The following PHF8 variants were observed in gnomAD, a reference collection of about 807,000 sequenced individuals.
PHF8 encodes the protein PHD finger protein 8.
Under a neutral mutation model 74.4 loss-of-function variants are expected in PHF8, and 9 were observed. The observed-to-expected ratio is 0.12, with a 90% CI of 0.07 to 0.21. The LOEUF (loss-of-function observed/expected upper bound fraction) is 0.21. Among genes scored for constraint, PHF8 ranks in the 10% least tolerant of loss-of-function variants. PHF8 has a pLI of 1.00. For synonymous variants in PHF8, 311 were observed against 316.6 expected (o/e 0.98, Z 0.19); for missense variants, 478 against 816.6 (o/e 0.59, Z 5.05).
Position 53,938,970 on chromosome X carries a change from C to T in PHF8, c.*188G>A, listed in dbSNP as rs1183025901. The T allele has an allele frequency of 3.8e-5, 38 of 1,011,067 alleles. No individual in the cohort carries two copies. Among genetic ancestry groups the T allele is most frequent in the Non-Finnish European group, 4.8e-5 (38 of 797,967 alleles). 83.3% of individuals were successfully genotyped at this position (1,011,067 alleles called of 1,213,427 possible). ...CAGTGGAGAAGGCAGGCAGGATGCT[C>T]TAGTGAAAGTGGGGAAGGGAACTAG... is the stretch of plus-strand genomic sequence containing the variant. On this transcript the variant is annotated 3_prime_UTR_variant, in exon 22 of 22. Coordinates refer to ENST00000338154, the MANE Select transcript of PHF8 (RefSeq NM_015107.3).
At chrX:54,024,320 G>C (rs1039781248) in intron 2 of PHF8, among the ~76,000 whole-genome samples, 1 of 111,750 alleles carries the variant, frequency 8.9e-6, no homozygotes, top group Non-Finnish European at 1.9e-5. Context: ...GTAAGTATCC[G>C]GTTTCACAGT....
At chrX:53,978,688 C>G (rs1449279892) in intron 18 of PHF8, among the ~76,000 whole-genome samples, 1 of 107,683 alleles carries the variant, frequency 9.3e-6, no homozygotes, top group Non-Finnish European at 1.9e-5. Flanking sequence ...ATCCCAGCTA[C>G]TCAGGAGGCT....
In PHF8 at chrX:53,938,883, G is replaced by A. The variant is rs1557082563; in HGVS notation, c.*275C>T. The A allele has an allele frequency of 2.2e-6, 2 of 920,638 alleles. No homozygotes were observed. Among genetic ancestry groups the A allele is most frequent in the Non-Finnish European group, 2.7e-6 (2 of 744,847 alleles). 75.9% of individuals were successfully genotyped at this position (920,638 alleles called of 1,213,427 possible). On this transcript the variant is annotated 3_prime_UTR_variant, in exon 22 of 22. Transcript: ENST00000338154. Reference sequence around the variant, plus strand: ...ACAGACAAGGCAGGTGACGGGAGTGGTTTGGACGAGTAGAAAAGAGGGTTC... The same window carrying A: ...ACAGACAAGGCAGGTGACGGGAGTGATTTGGACGAGTAGAAAAGAGGGTTC...
chrX:53,945,852 G>C (rs2064825581), intron 19 of PHF8, among the ~76,000 whole-genome samples: 1 of 111,504 alleles, frequency 9.0e-6, no homozygotes. Context: ...TTTTTCCTTT[G>C]AACTTATGAT....
Position 53,958,191 on chromosome X carries a change from G to A in PHF8, c.2539+4653C>T, listed in dbSNP as rs901786859. On this transcript the variant is annotated intron_variant, in intron 19 of 21. Transcript: ENST00000338154. ...TGAGTAGATGGGACTACAGGCGTGC[G>A]CCACCATGCCCAGCTAATTTTTGTA... 5.5e-5 allele frequency among the ~76,000 whole-genome samples: 6 copies of A among 108,598 alleles called. 1 individual carries two copies. The Middle Eastern group carries it at 0.014, about 256-fold the overall frequency. The allele number at this position is 108,598 out of a possible 115,157, so 94.3% of individuals were successfully genotyped here. A position where few individuals can be genotyped will look rare whatever the true frequency, so the allele number is the denominator to read the frequency against.
At chrX:54,040,363 A>G (rs1207989335) in intron 2 of PHF8, among the ~76,000 whole-genome samples, 4 of 112,132 alleles carry the variant, frequency 3.6e-5, no homozygotes, top group Non-Finnish European at 7.5e-5. Context: ...CTCAGCATCT[A>G]TTACATGTTT....
In PHF8 at chrX:53,985,030, C is replaced by T; in HGVS notation, c.2327G>A (p.Gly776Glu). Residue 776 changes from glycine to glutamate, a missense_variant, in exon 18 of 22, where the codon GGG becomes GAG. Transcript: ENST00000338154. ...TGCTGGCCGCTTGATGGGCCGCTTC[C>T]CTGGGGTGCGCTGGGAAGCAGGACT... ...SNSPASQRTP[G>E]KRPIKRPAYW... The T allele has an allele frequency of 8.3e-7, 1 of 1,211,517 alleles. No individual in the cohort carries two copies. Among genetic ancestry groups the T allele is most frequent in the Non-Finnish European group, 1.1e-6 (1 of 895,171 alleles).
intron 18 of PHF8, among the ~76,000 whole-genome samples, chrX:53,968,586 C>A: frequency 8.9e-6 from 1 of 112,472 alleles, no homozygotes; most frequent in South Asian, 3.6e-4. Flanking sequence ...TATCCTGATA[C>A]CAAAACCAGA....
upstream of PHF8, chrX:54,044,872 C>T (rs1557117081): frequency 8.7e-7 from 1 of 1,155,146 alleles, no homozygotes; most frequent in Admixed American, 2.6e-5. Flanking sequence ...GCGGAGTACT[C>T]ACCGCGGCTC....
intron 11 of PHF8, among the ~76,000 whole-genome samples, chrX:53,999,323 T>C: frequency 8.9e-6 from 1 of 112,504 alleles, no homozygotes; most frequent in East Asian, 2.8e-4. Flanking sequence ...TTCAGCTTAC[T>C]TTATTGTAAT....
chrX:54,022,621 A>G (rs1402350504), intron 3 of PHF8, 137 bp downstream of exon 3: 1 of 501,902 alleles, frequency 2.0e-6, no homozygotes, highest in Non-Finnish European at 3.5e-6. Flanking sequence ...TGGCCTGTGG[A>G]GCCTGCATAG....
chrX:54,001,788 T>C (rs1001851268), intron 10 of PHF8, among the ~76,000 whole-genome samples: 2 of 110,018 alleles, frequency 1.8e-5, no homozygotes, highest in Non-Finnish European at 3.8e-5. Flanking sequence ...TGGGGGCCCA[T>C]GCCTGTAGTC....
intron 10 of PHF8, among the ~76,000 whole-genome samples, chrX:54,000,339 T>C (rs781894328): frequency 1.8e-3 from 205 of 111,680 alleles, no homozygotes; most frequent in African/African-American, 6.2e-3. Flanking sequence ...CCTCCTGGGT[T>C]TCAAAATGAG....
At chrX:54,043,461 C>T (rs1557116567) in intron 1 of PHF8, among the ~76,000 whole-genome samples, 1 of 110,914 alleles carries the variant, frequency 9.0e-6, no homozygotes, top group African/African-American at 3.3e-5. Context: ...TCATCACCCC[C>T]AAAACTGAAA....
chrX:53,980,207 C>T (rs924092102), intron 18 of PHF8, among the ~76,000 whole-genome samples: 8 of 110,836 alleles, frequency 7.2e-5, no homozygotes, highest in Non-Finnish European at 3.8e-5. Flanking sequence ...TGAATGGTGT[C>T]CCCTAAAATT....
intron 20 of PHF8, chrX:53,943,262 G>A (rs2064779620): frequency 1.1e-6 from 1 of 951,665 alleles, no homozygotes; most frequent in East Asian, 3.5e-5. Context: ...TAAATAGGAT[G>A]TAATGACTGA....
chrX:54,023,841 C>CAAA (rs782579990), intron 2 of PHF8, among the ~76,000 whole-genome samples: 65 of 38,623 alleles, frequency 1.7e-3, no homozygotes, highest in East Asian at 4.0e-3. Context: ...ACCCTGTCTC[C>CAAA]AAAAAAAAAA....
At chrX:54,027,763 C>G (rs1193138435) in intron 2 of PHF8, among the ~76,000 whole-genome samples, 1 of 111,103 alleles carries the variant, frequency 9.0e-6, no homozygotes, top group Non-Finnish European at 1.9e-5. Context: ...CCGCCAGGCT[C>G]TGGTCTAGGT....
At chrX:54,047,377 A>G (rs1331455708), upstream of PHF8, among the ~76,000 whole-genome samples, 1 of 111,563 alleles carries the variant, frequency 9.0e-6, no homozygotes, top group East Asian at 2.8e-4. Context: ...GGAGGAGACT[A>G]AATTTAATTT....
Sources: allele counts gnomAD v4.1 joint callset (sites outside exome capture counted in the v4.1 genomes callset), GRCh38; gene constraint gnomAD v4.1.1; transcripts MANE v1.5; gene names NCBI Gene and HGNC (gene_info 2026-07-23, HGNC 2026-07-21).